ITGBL1: variants seen among roughly 807,000 people sequenced by gnomAD.
The protein encoded by ITGBL1 is integrin beta-like protein 1.
ITGBL1 carries 51 observed loss-of-function variants against 68.5 expected under a neutral mutation model. That is an observed-to-expected ratio of 0.74 (90% CI 0.59 to 0.94). The LOEUF (loss-of-function observed/expected upper bound fraction) is 0.94. ITGBL1 is among the 40% of genes least tolerant of loss of function. The pLI is 0.00. For synonymous variants in ITGBL1, 209 were observed against 227.3 expected, an observed-to-expected ratio of 0.92 and a Z score of 0.72; for missense variants, 649 against 647.4, an observed-to-expected ratio of 1.00 and a Z score of -0.03.
At chr13:101,592,535 G>GATC (rs1231022722) in intron 6 of ITGBL1, among the ~76,000 whole-genome samples, 1 of 152,108 alleles carries the variant, frequency 6.6e-6, no homozygotes, top group Non-Finnish European at 1.5e-5. Context: ...GATATCTCAT[G>GATC]ATCATGGATC....
At chr13:101,641,613 C>A (rs188292884) in intron 7 of ITGBL1, among the ~76,000 whole-genome samples, 233 of 148,826 alleles carry the variant, frequency 1.6e-3, no homozygotes, top group African/African-American at 5.6e-3. Flanking sequence ...GCACAATGTG[C>A]AGGTTTGTTA....
intron 2 of ITGBL1, among the ~76,000 whole-genome samples, chr13:101,528,481 A>G (rs1030126514): frequency 6.6e-6 from 1 of 151,550 alleles, no homozygotes; most frequent in Non-Finnish European, 1.5e-5. Flanking sequence ...CCTTTATTTT[A>G]GCCCTTATAT....
intron 5 of ITGBL1, 150 bp from the exon 6 acceptor site, chr13:101,583,066 A>G (rs1341693353): frequency 2.9e-6 from 2 of 682,476 alleles, no homozygotes; most frequent in East Asian, 5.4e-5. Flanking sequence ...TCAATATTAG[A>G]TGGTGTTTTT....
rs1228530221 is a variant in ITGBL1 at position 101,471,514 on chromosome 13, GTGTGTGTGTGTGTATGTA to G, written c.316+17428_316+17445del. Among the ~76,000 whole-genome samples, 26 of 114,404 alleles carry G rather than the reference GTGTGTGTGTGTGTATGTA, an allele frequency of 2.3e-4. No individual in the cohort carries two copies. The East Asian group carries it at 2.9e-3, about 13-fold the overall frequency. 75.1% of individuals were successfully genotyped at this position (114,404 alleles called of 152,430 possible). On this transcript the variant is annotated intron_variant, in intron 2 of 10. Transcript: ENST00000376180. Reference sequence around the variant, plus strand: ...AGAAAGGCAACACAAATATATATGTGTGTGTGTGTGTGTATGTATGTGTGTGTGTGTGTGTGTGTGTGT... The same window carrying G: ...AGAAAGGCAACACAAATATATATGTGTGTGTGTGTGTGTGTGTGTGTGTGT...
At chr13:101,703,556 A>G (rs1052271444) in intron 8 of ITGBL1, among the ~76,000 whole-genome samples, 1 of 152,210 alleles carries the variant, frequency 6.6e-6, no homozygotes, top group Admixed American at 6.5e-5. Flanking sequence ...GTAGGAATCT[A>G]CGAGCCAGAG....
chr13:101,455,500 C>A (rs1460742313), intron 2 of ITGBL1, among the ~76,000 whole-genome samples: 1 of 151,824 alleles, frequency 6.6e-6, no homozygotes, highest in African/African-American at 2.4e-5. Flanking sequence ...AACCCAGTCT[C>A]TACTAAAAAT....
At chr13:101,485,970 C>A (rs1465178575) in intron 2 of ITGBL1, among the ~76,000 whole-genome samples, 1 of 152,044 alleles carries the variant, frequency 6.6e-6, no homozygotes, top group African/African-American at 2.4e-5. Context: ...GTAGAACTAC[C>A]ATCAATCCAG....
At chr13:101,492,306 C>A (rs1352206962) in intron 2 of ITGBL1, among the ~76,000 whole-genome samples, 1 of 152,128 alleles carries the variant, frequency 6.6e-6, no homozygotes, top group Non-Finnish European at 1.5e-5. Flanking sequence ...GGCGTTAAGT[C>A]AATATATGAC....
At chr13:101,505,201 G>A (rs927052256) in intron 2 of ITGBL1, among the ~76,000 whole-genome samples, 2 of 152,178 alleles carry the variant, frequency 1.3e-5, no homozygotes, top group African/African-American at 4.8e-5. Context: ...ATCGTCAGTG[G>A]CATTGTCTCA....
rs528278423 is a variant in ITGBL1 at position 101,539,458 on chromosome 13, A to G, written c.317-28241A>G. Among the ~76,000 whole-genome samples the G allele has an allele frequency of 2.0e-5, 3 of 152,040 alleles. No individual in the cohort carries two copies. The East Asian group carries it at 5.8e-4, about 30-fold the overall frequency. ...TTTTAATTCAGTCTATAATTGTTGG[A>G]CATTTGGGTTGGTTCCAAGTCTTTG... On this transcript the variant is annotated intron_variant, in intron 2 of 10. Coordinates refer to ENST00000376180, the MANE Select transcript of ITGBL1 (RefSeq NM_004791.3).
intron 2 of ITGBL1, among the ~76,000 whole-genome samples, chr13:101,483,275 G>A (rs895964231): frequency 3.3e-5 from 5 of 152,182 alleles, no homozygotes; most frequent in African/African-American, 1.2e-4. Flanking sequence ...TCACAATGCT[G>A]AGTGAATGGG....
intron 7 of ITGBL1, among the ~76,000 whole-genome samples, chr13:101,662,465 G>C (rs962775574): frequency 1.4e-4 from 22 of 152,072 alleles, no homozygotes; most frequent in Admixed American, 1.4e-3. Flanking sequence ...GGAGACATGA[G>C]GGCTTGCATG....
At chr13:101,696,028 C>T (rs1026667640) in intron 8 of ITGBL1, among the ~76,000 whole-genome samples, 6 of 152,090 alleles carry the variant, frequency 3.9e-5, no homozygotes, top group Admixed American at 2.6e-4. Flanking sequence ...GTTGGGCGTG[C>T]GACTTCTTCT....
At chr13:101,573,321 CAT>C (rs1387873182) in intron 3 of ITGBL1, among the ~76,000 whole-genome samples, 6 of 152,126 alleles carry the variant, frequency 3.9e-5, no homozygotes, top group African/African-American at 1.4e-4. Flanking sequence ...GGAAAATTCA[CAT>C]GAGTATTTGC....
chr13:101,671,211 A>G (rs2033349713), intron 7 of ITGBL1, among the ~76,000 whole-genome samples: 1 of 152,166 alleles, frequency 6.6e-6, no homozygotes, highest in South Asian at 2.1e-4. Context: ...CAGAACTCTG[A>G]TAAAGAAACT....
intron 8 of ITGBL1, among the ~76,000 whole-genome samples, chr13:101,697,726 A>AT (rs1226118411): frequency 6.6e-6 from 1 of 152,188 alleles, no homozygotes; most frequent in East Asian, 1.9e-4. Context: ...ATAATAATCC[A>AT]TTTGGCTTTA....
intron 5 of ITGBL1, 57 bp from the exon 6 acceptor site, chr13:101,583,159 G>A: frequency 6.6e-7 from 1 of 1,522,646 alleles, no homozygotes; most frequent in Non-Finnish European, 9.1e-7. Flanking sequence ...TATGTGAAAT[G>A]CTTTCTTTCA....
downstream of ITGBL1, chr13:101,718,280 A>G (rs943206988): frequency 1.3e-5 from 2 of 152,060 alleles, no homozygotes; most frequent in Non-Finnish European, 2.9e-5. Context: ...GCAAACACCA[A>G]TATATCTATT....
intron 7 of ITGBL1, among the ~76,000 whole-genome samples, chr13:101,646,540 C>T (rs550298429): frequency 9.0e-4 from 137 of 151,996 alleles, no homozygotes; most frequent in African/African-American, 3.0e-3. Context: ...AAGAATTCAC[C>T]GTGGAGTAAC....
Sources: allele counts gnomAD v4.1 joint callset (sites outside exome capture counted in the v4.1 genomes callset), GRCh38; gene constraint gnomAD v4.1.1; transcripts MANE v1.5; gene names NCBI Gene and HGNC (gene_info 2026-07-23, HGNC 2026-07-21).